DCAF17: variants seen among roughly 807,000 people sequenced by gnomAD.
The protein encoded by DCAF17 is DDB1- and CUL4-associated factor 17.
Under a neutral mutation model 66.0 loss-of-function variants are expected in DCAF17, and 48 were observed. The observed-to-expected ratio is 0.73, with a 90% CI of 0.58 to 0.92. The LOEUF is 0.92. Among genes scored for constraint, DCAF17 ranks in the 40% least tolerant of loss-of-function variants. DCAF17 has a pLI of 0.00. For missense variants in DCAF17, 562 were observed against 622.8 expected, an observed-to-expected ratio of 0.90 and a Z score of 1.04; for synonymous variants, 206 against 214.6, an observed-to-expected ratio of 0.96 and a Z score of 0.35.
chr2:171,472,132 A>C (rs1696275882), intron 9 of DCAF17, among the ~76,000 whole-genome samples: 1 of 152,012 alleles, frequency 6.6e-6, no homozygotes, highest in South Asian at 2.1e-4. Flanking sequence ...CCTCCTACTC[A>C]TGTTTATATG....
At chr2:171,479,578 G>A (rs1259811971) in intron 12 of DCAF17, 1 of 178,264 alleles carries the variant, frequency 5.6e-6, no homozygotes, top group East Asian at 1.5e-4. Flanking sequence ...GTGTATGATG[G>A]GTTATCCGTC....
At chr2:171,442,971 A>G (rs1559257649) in intron 2 of DCAF17, among the ~76,000 whole-genome samples, 3 of 152,152 alleles carry the variant, frequency 2.0e-5, no homozygotes, top group African/African-American at 4.8e-5. Context: ...CATCAAAGAT[A>G]TAGCATTCAA....
rs556403631 is a variant in DCAF17, at chr2:171,481,915, A to G, written c.*801A>G. ...AGTTTTCTGATCTTGTTTAGGCAAT[A>G]TTTGCATACTTATGCAATAAGATAA... On this transcript the variant is annotated 3_prime_UTR_variant, in exon 14 of 14. Transcript: ENST00000375255. 9 of 453,904 alleles carry G rather than the reference A, an allele frequency of 2.0e-5. No individual in the cohort carries two copies. The highest frequency in any genetic ancestry group is 4.0e-5 in the Non-Finnish European group (9 of 226,762). 28.1% of individuals were successfully genotyped at this position (453,904 alleles called of 1,614,324 possible).
chr2:171,434,864 GC>G, intron 1 of DCAF17, 161 bp downstream of exon 1: 1 of 1,142,738 alleles, frequency 8.8e-7, no homozygotes, highest in Non-Finnish European at 1.2e-6. Flanking sequence ...TGGTAATAGG[GC>G]CACCAGCTGC....
chr2:171,478,794 C>CA (rs1443074697), intron 12 of DCAF17, among the ~76,000 whole-genome samples: 5 of 151,842 alleles, frequency 3.3e-5, no homozygotes, highest in South Asian at 2.1e-4. Flanking sequence ...TAGCTGTTCT[C>CA]AAAAAAACAC....
rs1695398567 is a variant in DCAF17 at position 171,458,605 on chromosome 2, A to G, written c.838+128A>G. 6 of 721,458 alleles carry G rather than the reference A, an allele frequency of 8.3e-6. No individual in the cohort carries two copies. In the East Asian group the frequency reaches 1.4e-4, roughly 17 times the overall value. The allele number at this position is 721,458 out of a possible 1,614,324, so 44.7% of individuals were successfully genotyped here. On this transcript the variant is annotated intron_variant, in intron 8 of 13. Coordinates refer to ENST00000375255, the MANE Select transcript of DCAF17 (RefSeq NM_025000.4). The stretch of plus-strand genomic sequence containing the variant: ...AACTCAATTCATTTTACTCCTATAC[A>G]TCATGTGCCTTGCTATTCAATAATG...
intron 2 of DCAF17, among the ~76,000 whole-genome samples, chr2:171,441,510 C>A (rs1444640275): frequency 6.6e-6 from 1 of 152,174 alleles, no homozygotes; most frequent in South Asian, 2.1e-4. Context: ...GAAGAAGGGA[C>A]CCCCACCTCT....
intron 3 of DCAF17, among the ~76,000 whole-genome samples, chr2:171,446,982 C>A (rs1048967278): frequency 2.6e-5 from 4 of 152,086 alleles, no homozygotes; most frequent in Non-Finnish European, 4.4e-5. Flanking sequence ...TCTTTACTAT[C>A]AAGAACTCTA....
At chr2:171,445,290 A>G (rs1285162580) in intron 3 of DCAF17, among the ~76,000 whole-genome samples, 3 of 151,738 alleles carry the variant, frequency 2.0e-5, no homozygotes, top group African/African-American at 4.8e-5. Flanking sequence ...ATGCCCCACT[A>G]ATTTTTGTAT....
Position 171,434,547 on chromosome 2 carries a change from C to G in DCAF17, c.-31C>G, listed in dbSNP as rs1169216444. 6.6e-7 allele frequency: 1 copy of G among 1,524,272 alleles called. No homozygotes were observed. The highest frequency in any genetic ancestry group is 8.8e-7 in the Non-Finnish European group (1 of 1,140,940). 94.4% of individuals were successfully genotyped at this position (1,524,272 alleles called of 1,614,324 possible). ...AGTGTGGGGCGCGCCACTCGGCGGC[C>G]CAGCCTACCCAGGGCCCGGCCCGCG... On this transcript the variant is annotated 5_prime_UTR_variant, in exon 1 of 14. Coordinates refer to ENST00000375255, the MANE Select transcript of DCAF17 (RefSeq NM_025000.4).
In DCAF17 at chr2:171,454,023, G is replaced by A. The variant is rs990028325; in HGVS notation, c.627+810G>A. Among the ~76,000 whole-genome samples, 5 of 151,942 alleles carry A rather than the reference G, an allele frequency of 3.3e-5. No individual in the cohort carries two copies. In the East Asian group the frequency reaches 5.8e-4, roughly 18 times the overall value. On this transcript the variant is annotated intron_variant, in intron 6 of 13. Transcript: ENST00000375255. ...TTTGAATATTTTACAACATTGTAAC[G>A]TATATATTTAATTAAGTTAAGCAGC...
At position 171,473,961 on chromosome 2, in the gene DCAF17, TC is replaced by T; in HGVS notation, c.1079del (p.Pro360GlnfsTer7). The part of the protein sequence containing the change: ...DASGRIIHVG[P>X]NQVKVLKLTE... The stretch of plus-strand genomic sequence containing the variant: ...CTTCTGGTAGAATAATACATGTTGG[TC>T]CAAATCAAGTCAAGTGAGTAATCTC... On this transcript the variant is annotated frameshift_variant, in exon 10 of 14. Coordinates refer to ENST00000375255, the MANE Select transcript of DCAF17 (RefSeq NM_025000.4). LOFTEE classifies it high-confidence loss of function. 1 of 1,613,476 alleles carries T rather than the reference TC, an allele frequency of 6.2e-7. No homozygotes were observed. Among genetic ancestry groups the T allele is most frequent in the South Asian group, 1.1e-5 (1 of 91,050 alleles).
intron 6 of DCAF17, 60 bp from the exon 7 acceptor site, chr2:171,457,911 C>A: frequency 7.8e-7 from 1 of 1,288,348 alleles, no homozygotes; most frequent in African/African-American, 1.5e-5. Context: ...CCACTGTGAA[C>A]ATTCAGAGGA....
At chr2:171,454,139 C>T (rs1695108430) in intron 6 of DCAF17, among the ~76,000 whole-genome samples, 1 of 151,916 alleles carries the variant, frequency 6.6e-6, no homozygotes. Flanking sequence ...CACTACACTC[C>T]AGCCTGGGTG....
In DCAF17 at chr2:171,448,838, A is replaced by T. The variant is rs774729157; in HGVS notation, c.458+21A>T. The T allele has an allele frequency of 2.5e-6, 4 of 1,602,052 alleles. No homozygotes were observed. The African/African-American group carries it at 5.4e-5, about 21-fold the overall frequency. ...TTCAGGTATTTACTGTGAATTTATTATTCAAGATTTTATTTTAAAAATTTG... is the reference window on the plus strand; with the variant it reads ...TTCAGGTATTTACTGTGAATTTATTTTTCAAGATTTTATTTTAAAAATTTG... On this transcript the variant is annotated intron_variant, in intron 4 of 13. Transcript: ENST00000375255.
chr2:171,466,030 AT>A (rs939687680), intron 8 of DCAF17, among the ~76,000 whole-genome samples: 3 of 151,628 alleles, frequency 2.0e-5, no homozygotes, highest in Non-Finnish European at 2.9e-5. Flanking sequence ...ATTAAAAAAA[AT>A]TTTTTTATTT....
chr2:171,467,952 T>C (rs1696021051), intron 8 of DCAF17, among the ~76,000 whole-genome samples: 1 of 152,110 alleles, frequency 6.6e-6, no homozygotes, highest in South Asian at 2.1e-4. Flanking sequence ...CAAGCCCCTT[T>C]ACTAATAGTA....
intron 2 of DCAF17, among the ~76,000 whole-genome samples, chr2:171,439,248 A>C (rs140072790): frequency 4.6e-5 from 7 of 151,838 alleles, no homozygotes; most frequent in African/African-American, 1.4e-4. Flanking sequence ...TACTTCAAAT[A>C]TTTATTTTTC....
At chr2:171,454,686 T>C (rs1695148256) in intron 6 of DCAF17, among the ~76,000 whole-genome samples, 1 of 152,104 alleles carries the variant, frequency 6.6e-6, no homozygotes, top group African/African-American at 2.4e-5. Flanking sequence ...CATTTGAGGT[T>C]AGGAGATCAA....
Sources: allele counts gnomAD v4.1 joint callset (sites outside exome capture counted in the v4.1 genomes callset), GRCh38; gene constraint gnomAD v4.1.1; transcripts MANE v1.5; gene names NCBI Gene and HGNC (gene_info 2026-07-23, HGNC 2026-07-21).